CLVS1: variants seen among roughly 807,000 people sequenced by gnomAD.
The protein encoded by CLVS1 is clavesin 1, also known as clavesin-1.
CLVS1 carries 10 observed loss-of-function variants against 33.1 expected under a neutral mutation model. The observed-to-expected ratio is 0.30, with a 90% CI of 0.19 to 0.51. The LOEUF (loss-of-function observed/expected upper bound fraction) is 0.51, where lower values mean the gene tolerates loss of function less well. Ranked by LOEUF, CLVS1 falls within the 20% of genes least tolerant of loss-of-function variation. The pLI, the probability that CLVS1 is intolerant of heterozygous loss-of-function variation, is 0.97. For synonymous variants in CLVS1, 163 were observed against 166.1 expected, an observed-to-expected ratio of 0.98 and a Z score of 0.14; for missense variants, 343 against 433.4, an observed-to-expected ratio of 0.79 and a Z score of 1.85.
upstream of CLVS1, among the ~76,000 whole-genome samples, chr8:61,055,204 C>A (rs1804455612): frequency 6.6e-6 from 1 of 152,128 alleles, no homozygotes; most frequent in African/African-American, 2.4e-5. Context: ...ACAGATAGTG[C>A]ATATTACTAG....
chr8:61,037,952 C>T, the CLVS1 span, among the ~76,000 whole-genome samples: 1 of 152,126 alleles, frequency 6.6e-6, no homozygotes, highest in East Asian at 1.9e-4. Context: ...ACAAGGGGAT[C>T]TTTGTGCTGA....
intron 3 of CLVS1, among the ~76,000 whole-genome samples, chr8:61,415,671 G>A (rs117911164): frequency 0.017 from 2,621 of 151,966 alleles, 36 homozygotes; most frequent in Middle Eastern, 0.075. Context: ...CATCTTCCAC[G>A]GGTGCCGGTA....
chr8:61,059,577 A>G (rs1804547264), intron 1 of CLVS1, among the ~76,000 whole-genome samples: 1 of 148,764 alleles, frequency 6.7e-6, no homozygotes, highest in African/African-American at 2.5e-5. Context: ...TTGGGAGGCC[A>G]AGGCAAGTGG....
chr8:61,445,056 T>C (rs2129606429), intron 3 of CLVS1, among the ~76,000 whole-genome samples: 1 of 152,312 alleles, frequency 6.6e-6, no homozygotes, highest in East Asian at 1.9e-4. Flanking sequence ...GTCAAAGCAT[T>C]AAATATAGAA....
intron 3 of CLVS1, among the ~76,000 whole-genome samples, chr8:61,398,423 C>T (rs1814621308): frequency 6.6e-6 from 1 of 152,120 alleles, no homozygotes; most frequent in Admixed American, 6.5e-5. Context: ...CTCATGTGAT[C>T]CACCTGCCTC....
intron 3 of CLVS1, among the ~76,000 whole-genome samples, chr8:61,389,518 G>A (rs1280417364): frequency 1.3e-5 from 2 of 151,746 alleles, no homozygotes; most frequent in Non-Finnish European, 2.9e-5. Flanking sequence ...ACTCCAGCCT[G>A]GGCGACTCCA....
chr8:60,971,978 T>A, the CLVS1 span, among the ~76,000 whole-genome samples: 313 of 152,300 alleles, frequency 2.1e-3, 1 homozygote, highest in Admixed American at 6.7e-3. Flanking sequence ...TCATGATTCT[T>A]AGGGTCAGGA....
At chr8:61,242,063 T>A (rs940081772) in intron 2 of CLVS1, among the ~76,000 whole-genome samples, 9 of 152,122 alleles carry the variant, frequency 5.9e-5, no homozygotes, top group Non-Finnish European at 1.2e-4. Flanking sequence ...TGTTCTGGCT[T>A]CTTTAAAGAT....
intron 2 of CLVS1, among the ~76,000 whole-genome samples, chr8:61,260,894 A>G (rs1366158696): frequency 6.6e-6 from 1 of 152,210 alleles, no homozygotes. Context: ...ACACAGAAAC[A>G]CAAAGCTTTG....
At chr8:61,004,785 C>T in the CLVS1 span, among the ~76,000 whole-genome samples, 2 of 152,178 alleles carry the variant, frequency 1.3e-5, no homozygotes, top group Non-Finnish European at 2.9e-5. Context: ...CTGGGCCCCG[C>T]GGTGAGGGTT....
At chr8:61,358,527 A>T (rs1812841467) in intron 2 of CLVS1, among the ~76,000 whole-genome samples, 1 of 152,240 alleles carries the variant, frequency 6.6e-6, no homozygotes, top group African/African-American at 2.4e-5. Flanking sequence ...CAGGCATAGC[A>T]TCATCATTCT....
intron 1 of CLVS1, among the ~76,000 whole-genome samples, chr8:61,071,765 A>T (rs914253040): frequency 6.6e-6 from 1 of 152,206 alleles, no homozygotes; most frequent in African/African-American, 2.4e-5. Context: ...GTAGACTGCT[A>T]GGTAATAAGA....
intron 1 of CLVS1, among the ~76,000 whole-genome samples, chr8:61,065,909 A>T (rs1219973772): frequency 6.6e-6 from 1 of 152,236 alleles, no homozygotes; most frequent in African/African-American, 2.4e-5. Context: ...AATACCAGGC[A>T]GTAGATCAAT....
At chr8:61,357,450 G>T (rs1585852943) in intron 2 of CLVS1, among the ~76,000 whole-genome samples, 1 of 132,514 alleles carries the variant, frequency 7.5e-6, no homozygotes, top group Non-Finnish European at 1.7e-5. Context: ...TTTTCTGTTT[G>T]CCAGGACGTT....
At chr8:61,061,426 G>A (rs1302935948) in intron 1 of CLVS1, among the ~76,000 whole-genome samples, 1 of 152,112 alleles carries the variant, frequency 6.6e-6, no homozygotes, top group East Asian at 1.9e-4. Flanking sequence ...CAGGCCATCA[G>A]CTGTATTGCT....
intron 2 of CLVS1, among the ~76,000 whole-genome samples, chr8:61,239,649 T>C (rs1382177411): frequency 6.6e-6 from 1 of 151,958 alleles, no homozygotes; most frequent in African/African-American, 2.4e-5. Context: ...GGTGGGAGGA[T>C]TGCCTGAGGC....
Position 61,342,429 on chromosome 8 carries a change from A to C in CLVS1, c.456-34176A>C, listed in dbSNP as rs958529607. ...GACACTTGTTGCCTATATCCGCTCTACACAGAGCTCCCTGAGAAGCGCTTG... is the reference window on the plus strand; with the variant it reads ...GACACTTGTTGCCTATATCCGCTCTCCACAGAGCTCCCTGAGAAGCGCTTG... On this transcript the variant is annotated intron_variant, in intron 2 of 5. Coordinates refer to ENST00000325897, the MANE Select transcript of CLVS1 (RefSeq NM_173519.3). Among the ~76,000 whole-genome samples, 14 of 152,216 alleles carry C rather than the reference A, an allele frequency of 9.2e-5. 1 individual carries two copies. The highest frequency in any genetic ancestry group is 1.6e-4 in the Non-Finnish European group (11 of 68,038).
intron 2 of CLVS1, among the ~76,000 whole-genome samples, chr8:61,357,483 C>CTTTTTTTTTTTTTTTT (rs1414093611): frequency 1.4e-5 from 1 of 71,476 alleles, no homozygotes; most frequent in Non-Finnish European, 3.2e-5. Flanking sequence ...TTTTTCTTTC[C>CTTTTTTTTTTTTTTTT]TTTTTCTTTT....
rs765858716 is a variant in CLVS1, at chr8:61,251,670, A to G, written c.-151-48007A>G. 7.3e-4 allele frequency among the ~76,000 whole-genome samples: 111 copies of G among 152,042 alleles called. 2 individuals are homozygous for G. In the Middle Eastern group the frequency reaches 0.031, roughly 42 times the overall value. On this transcript the variant is annotated intron_variant, in intron 2 of 2. Transcript: ENST00000522621. ...AGTGTATGTGTTTAGGAATTTATCC[A>G]TTTCTTCTATGTTTTCTAGTTTATT...
Sources: allele counts gnomAD v4.1 joint callset (sites outside exome capture counted in the v4.1 genomes callset), GRCh38; gene constraint gnomAD v4.1.1; transcripts MANE v1.5; gene names NCBI Gene and HGNC (gene_info 2026-07-23, HGNC 2026-07-21).